Variants in GRID1 observed in about 807,000 individuals in gnomAD.
GRID1 encodes the protein glutamate receptor ionotropic, delta-1.
GRID1 carries 28 observed loss-of-function variants against 98.0 expected under a neutral mutation model. That is an observed-to-expected ratio of 0.29 (90% CI 0.21 to 0.39). GRID1 has a LOEUF of 0.39. Among genes scored for constraint, GRID1 ranks in the 10% least tolerant of loss-of-function variants. The pLI is 1.00. For missense variants in GRID1, 1,111 were observed against 1,340.5 expected, an observed-to-expected ratio of 0.83 and a Z score of 2.67; for synonymous variants, 553 against 538.5, an observed-to-expected ratio of 1.03 and a Z score of -0.37.
intron 2 of GRID1, among the ~76,000 whole-genome samples, chr10:86,269,697 C>G (rs1847156771): frequency 6.6e-6 from 1 of 152,224 alleles, no homozygotes; most frequent in South Asian, 2.1e-4. Flanking sequence ...CCTTTAGTCT[C>G]AATTCCCAAG....
At chr10:85,964,244 C>T (rs1842308258) in intron 4 of GRID1, among the ~76,000 whole-genome samples, 1 of 152,200 alleles carries the variant, frequency 6.6e-6, no homozygotes, top group Non-Finnish European at 1.5e-5. Flanking sequence ...CTATCCCCCT[C>T]AAGCTACCAT....
At chr10:86,083,248 T>G (rs7912496) in intron 4 of GRID1, among the ~76,000 whole-genome samples, 119,543 of 152,080 alleles carry the variant, frequency 0.79, 48,054 homozygotes, top group East Asian at 0.88. Context: ...TGCCCTTTCT[T>G]AGAAGGGTAC....
chr10:85,754,723 G>A (rs951050957), intron 8 of GRID1, among the ~76,000 whole-genome samples: 7 of 152,142 alleles, frequency 4.6e-5, no homozygotes, highest in African/African-American at 1.4e-4. Context: ...AGACAACAAG[G>A]CATAATAAAT....
At chr10:86,260,749 C>CG (rs1847003850) in intron 2 of GRID1, among the ~76,000 whole-genome samples, 1 of 152,182 alleles carries the variant, frequency 6.6e-6, no homozygotes, top group African/African-American at 2.4e-5. Context: ...ATAACAGACA[C>CG]GGACAGTGAT....
intron 5 of GRID1, among the ~76,000 whole-genome samples, chr10:85,899,320 G>A (rs1215554854): frequency 2.0e-5 from 3 of 152,160 alleles, no homozygotes; most frequent in Non-Finnish European, 2.9e-5. Flanking sequence ...AACTACTGAT[G>A]GACACTTAGG....
intron 12 of GRID1, among the ~76,000 whole-genome samples, chr10:85,688,139 T>C (rs1408414057): frequency 6.6e-6 from 1 of 152,006 alleles, no homozygotes; most frequent in Admixed American, 6.5e-5. Context: ...AAACAACAAA[T>C]GCAAAAGCAC....
chr10:86,248,717 C>T (rs1846773696), intron 2 of GRID1, among the ~76,000 whole-genome samples: 1 of 152,008 alleles, frequency 6.6e-6, no homozygotes, highest in Non-Finnish European at 1.5e-5. Context: ...GGACTACAAA[C>T]ATGCACCACC....
At chr10:85,685,277 C>T (rs1387832032) in intron 12 of GRID1, among the ~76,000 whole-genome samples, 4 of 152,028 alleles carry the variant, frequency 2.6e-5, no homozygotes, top group African/African-American at 9.7e-5. Flanking sequence ...TTTCCATACA[C>T]CAGCTATATA....
chr10:85,625,681 G>GA (rs1344604594), intron 13 of GRID1, among the ~76,000 whole-genome samples: 2 of 152,154 alleles, frequency 1.3e-5, no homozygotes, highest in South Asian at 2.1e-4. Flanking sequence ...GTTGCAAAAG[G>GA]AAAAAAATTG....
At chr10:86,117,571 A>G (rs970623878) in intron 4 of GRID1, among the ~76,000 whole-genome samples, 1 of 151,690 alleles carries the variant, frequency 6.6e-6, no homozygotes, top group Non-Finnish European at 1.5e-5. Flanking sequence ...CACTGCTATC[A>G]CTATCACCAC....
At chr10:86,263,278 G>T (rs1437520993) in intron 2 of GRID1, among the ~76,000 whole-genome samples, 1 of 152,224 alleles carries the variant, frequency 6.6e-6, no homozygotes, top group African/African-American at 2.4e-5. Flanking sequence ...AGAAGCTCCC[G>T]CATTCAATTC....
At chr10:85,911,158 C>T (rs1841531703) in intron 5 of GRID1, among the ~76,000 whole-genome samples, 1 of 152,170 alleles carries the variant, frequency 6.6e-6, no homozygotes. Context: ...TGTGATTCAG[C>T]ATTCATATCA....
At chr10:86,286,204 T>C (rs1331298963) in intron 2 of GRID1, among the ~76,000 whole-genome samples, 1 of 151,516 alleles carries the variant, frequency 6.6e-6, no homozygotes, top group Non-Finnish European at 1.5e-5. Context: ...TGTAGATGTA[T>C]AGTTATAGGA....
At chr10:86,070,862 A>G (rs1843793675) in intron 4 of GRID1, among the ~76,000 whole-genome samples, 1 of 152,196 alleles carries the variant, frequency 6.6e-6, no homozygotes, top group South Asian at 2.1e-4. Flanking sequence ...AATGGAGAGA[A>G]ACCAATAAAG....
chr10:85,699,692 T>C (rs1841430983), intron 12 of GRID1, among the ~76,000 whole-genome samples: 1 of 152,224 alleles, frequency 6.6e-6, no homozygotes, highest in Non-Finnish European at 1.5e-5. Context: ...ATTGAGATAA[T>C]TGGAAGGAAT....
chr10:85,737,179 C>T (rs1334214836), intron 8 of GRID1, among the ~76,000 whole-genome samples: 1 of 152,028 alleles, frequency 6.6e-6, no homozygotes, highest in African/African-American at 2.4e-5. Context: ...AGGAATTGAG[C>T]CTTTGGTGAA....
intron 2 of GRID1, among the ~76,000 whole-genome samples, chr10:86,262,952 C>T (rs1222741762): frequency 6.7e-6 from 1 of 149,036 alleles, no homozygotes; most frequent in East Asian, 2.0e-4. Context: ...CCCCCGAGAG[C>T]ATAGGCTGCG....
chr10:86,126,174 G>A (rs572887241), intron 4 of GRID1, among the ~76,000 whole-genome samples: 147 of 152,332 alleles, frequency 9.6e-4, no homozygotes, highest in Non-Finnish European at 1.7e-3. Context: ...ACAGGAACTC[G>A]GCCGGGCGTG....
chr10:86,083,923 C>T (rs1400534859), intron 4 of GRID1, among the ~76,000 whole-genome samples: 1 of 152,204 alleles, frequency 6.6e-6, no homozygotes, highest in Non-Finnish European at 1.5e-5. Flanking sequence ...GTTGCACCCA[C>T]ACCCACAAAA....
Sources: gnomAD v4.1 joint callset for allele counts (sites outside exome capture counted in the v4.1 genomes callset) on GRCh38, gnomAD v4.1.1 for gene constraint, MANE v1.5 for transcripts, NCBI Gene and HGNC (gene_info 2026-07-23, HGNC 2026-07-21) for gene names.